Variants in CWF19L1 observed in about 807,000 individuals in gnomAD.
The protein encoded by CWF19L1 is CWF19 like cell cycle control factor 1.
Under a neutral mutation model 69.7 loss-of-function variants are expected in CWF19L1, and 60 were observed. The ratio of observed to expected loss-of-function variants is 0.86; its 90% CI spans 0.70 to 1.07. The LOEUF (loss-of-function observed/expected upper bound fraction) is 1.07. Among genes scored for constraint, CWF19L1 ranks in the 50% least tolerant of loss-of-function variants. CWF19L1 has a pLI of 0.00. For synonymous variants in CWF19L1, 209 were observed against 222.2 expected (o/e 0.94, Z 0.53); for missense variants, 591 against 638.9 (o/e 0.92, Z 0.81).
Position 100,238,247 on chromosome 10 carries a change from A to G in CWF19L1, c.1045-16T>C, listed in dbSNP as rs1313256336. 1 of 1,612,842 alleles carries G rather than the reference A, an allele frequency of 6.2e-7. No individual in the cohort carries two copies. Among genetic ancestry groups the G allele is most frequent in the Non-Finnish European group, 8.5e-7 (1 of 1,178,792 alleles). On this transcript the variant is annotated splice_polypyrimidine_tract_variant and intron_variant, in intron 10 of 13. Coordinates refer to ENST00000354105, the MANE Select transcript of CWF19L1 (RefSeq NM_018294.6). ...CAAGGTAGCACTGAAGAAGCAGCAC[A>G]CAGAATTGAGACATCAATACAGCAT...
intron 5 of CWF19L1, among the ~76,000 whole-genome samples, chr10:100,255,147 C>T (rs1226712472): frequency 6.6e-6 from 1 of 152,240 alleles, no homozygotes; most frequent in Non-Finnish European, 1.5e-5. Flanking sequence ...CTTAGGCTTA[C>T]TTCCACCAGT....
chr10:100,249,687 C>T (rs1457783716), intron 7 of CWF19L1, among the ~76,000 whole-genome samples: 1 of 152,112 alleles, frequency 6.6e-6, no homozygotes, highest in Non-Finnish European at 1.5e-5. Flanking sequence ...CACATTCAAG[C>T]AATTCTCCTG....
chr10:100,257,075 T>C (rs1187634414), intron 4 of CWF19L1, among the ~76,000 whole-genome samples: 1 of 152,220 alleles, frequency 6.6e-6, no homozygotes, highest in East Asian at 1.9e-4. Flanking sequence ...ATTCCTGGCT[T>C]GTGGCCTTGT....
intron 4 of CWF19L1, among the ~76,000 whole-genome samples, 174 bp downstream of exon 4, chr10:100,260,044 T>A (rs1847345738): frequency 6.6e-6 from 1 of 152,130 alleles, no homozygotes; most frequent in Non-Finnish European, 1.5e-5. Flanking sequence ...CACACACGCC[T>A]GTAATCCAAG....
intron 6 of CWF19L1, among the ~76,000 whole-genome samples, chr10:100,251,710 A>G (rs12265467): frequency 6.6e-6 from 1 of 151,896 alleles, no homozygotes; most frequent in Non-Finnish European, 1.5e-5. Context: ...ACAGGGTTTC[A>G]CCGTGTTGGC....
At chr10:100,237,358 C>T in intron 11 of CWF19L1, 2 of 429,334 alleles carry the variant, frequency 4.7e-6, no homozygotes, top group Non-Finnish European at 9.2e-6. Flanking sequence ...GGCTTTGAGA[C>T]TATTTCCTAC....
At position 100,250,229 on chromosome 10, in the gene CWF19L1, C is replaced by T. The variant is rs747287538; in HGVS notation, c.708+19G>A. 2 of 1,520,006 alleles carry T rather than the reference C, an allele frequency of 1.3e-6. No individual in the cohort carries two copies. The highest frequency in any genetic ancestry group is 1.1e-5 in the South Asian group (1 of 89,134). 94.2% of individuals were successfully genotyped at this position (1,520,006 alleles called of 1,614,324 possible). ...CAGACCATGAATATCAACCTTCCACCAAATAGGTAAATCTTTACCTTTTTC... is the reference window on the plus strand; with the variant it reads ...CAGACCATGAATATCAACCTTCCACTAAATAGGTAAATCTTTACCTTTTTC... On this transcript the variant is annotated intron_variant, in intron 7 of 13. Coordinates refer to ENST00000354105, the MANE Select transcript of CWF19L1 (RefSeq NM_018294.6).
At chr10:100,247,095 T>C (rs534327501) in intron 7 of CWF19L1, among the ~76,000 whole-genome samples, 160 bp from the exon 8 acceptor site, 148 of 152,132 alleles carry the variant, frequency 9.7e-4, no homozygotes, top group African/African-American at 3.4e-3. Flanking sequence ...AAACAGTAAA[T>C]CAAATGCCAA....
chr10:100,256,275 A>G lies in CWF19L1; in HGVS notation c.491T>C (p.Phe164Ser). The change falls in exon 5 of 14, where the codon TTT becomes TCT. Residue 164 changes from phenylalanine to serine, a missense_variant. Transcript: ENST00000354105. ...AACACTACTCACAGAAGAATTCCCA[A>G]AGTTCCCCACACACTTGGGCCATGG... ...TSPWPKCVGN[F>S]GNSSGEVDTK... 1.2e-6 allele frequency: 2 copies of G among 1,613,894 alleles called. No homozygotes were observed. Among genetic ancestry groups the G allele is most frequent in the East Asian group, 2.2e-5 (1 of 44,882 alleles).
chr10:100,238,892 A>C (rs1159027136), intron 10 of CWF19L1, among the ~76,000 whole-genome samples: 1 of 144,828 alleles, frequency 6.9e-6, no homozygotes, highest in African/African-American at 2.6e-5. Context: ...AGATCGCGCC[A>C]CTACACTCCA....
At position 100,254,240 on chromosome 10, in the gene CWF19L1, C is replaced by T. The variant is rs115330566; in HGVS notation, c.505-701G>A. The T allele has an allele frequency of 9.8e-3, 1,493 of 152,210 alleles. 25 individuals carry two copies. Among genetic ancestry groups the T allele is most frequent in the African/African-American group, 0.035 (1,435 of 41,482 alleles). The allele number at this position is 152,210 out of a possible 1,614,324, so 9.4% of individuals were successfully genotyped here. A position where few individuals can be genotyped will look rare whatever the true frequency, so the allele number is the denominator to read the frequency against. ...TCATAGTCAATTCAGAAAATCAAAG[C>T]GAAAAGCTAGGCTTCAGGGCTCCTA... On this transcript the variant is annotated intron_variant, in intron 5 of 13. Coordinates refer to ENST00000354105, the MANE Select transcript of CWF19L1 (RefSeq NM_018294.6).
At chr10:100,243,491 G>A (rs1171195337) in intron 10 of CWF19L1, among the ~76,000 whole-genome samples, 1 of 152,154 alleles carries the variant, frequency 6.6e-6, no homozygotes, top group Non-Finnish European at 1.5e-5. Flanking sequence ...GGGATTAACT[G>A]TAAATGGGCA....
chr10:100,250,406 C>A, intron 6 of CWF19L1, 74 bp from the exon 7 acceptor site: 1 of 883,656 alleles, frequency 1.1e-6, no homozygotes, highest in East Asian at 2.4e-5. Context: ...TATGTGGACT[C>A]TATGGGGCCA....
chr10:100,252,128 T>C (rs1847056731), intron 6 of CWF19L1, among the ~76,000 whole-genome samples: 1 of 152,234 alleles, frequency 6.6e-6, no homozygotes, highest in Non-Finnish European at 1.5e-5. Context: ...ATGCCCTTTA[T>C]CAGTGAAGAT....
intron 1 of CWF19L1, among the ~76,000 whole-genome samples, chr10:100,266,363 A>AT (rs901226939): frequency 5.7e-4 from 79 of 138,890 alleles, no homozygotes; most frequent in African/African-American, 2.1e-3. Flanking sequence ...TTTTTTCTGT[A>AT]TTTTTTGTAG....
At chr10:100,248,843 C>A in intron 7 of CWF19L1, 1 of 1,211,230 alleles carries the variant, frequency 8.3e-7, no homozygotes, top group Non-Finnish European at 1.2e-6. Flanking sequence ...GCAGAGAGCA[C>A]CAGATTTGTG....
intron 8 of CWF19L1, among the ~76,000 whole-genome samples, chr10:100,246,302 G>A (rs185768846): frequency 5.6e-4 from 86 of 152,264 alleles, no homozygotes; most frequent in African/African-American, 1.9e-3. Context: ...AAGGCTGCTT[G>A]GAAAGAAAGA....
intron 1 of CWF19L1, 162 bp from the exon 2 acceptor site, chr10:100,262,225 G>C: frequency 4.1e-6 from 4 of 985,280 alleles, no homozygotes; most frequent in Non-Finnish European, 4.8e-6. Flanking sequence ...ATCCACTGAG[G>C]GTCTCACCAA....
intron 1 of CWF19L1, among the ~76,000 whole-genome samples, chr10:100,263,397 C>T (rs145687733): frequency 6.6e-6 from 1 of 152,348 alleles, no homozygotes; most frequent in African/African-American, 2.4e-5. Flanking sequence ...CTGAAGCCTT[C>T]CTGGCTGGCT....
Sources: allele counts gnomAD v4.1 joint callset (sites outside exome capture counted in the v4.1 genomes callset), GRCh38; gene constraint gnomAD v4.1.1; transcripts MANE v1.5; gene names NCBI Gene and HGNC (gene_info 2026-07-23, HGNC 2026-07-21).